VWA8: variants seen among roughly 807,000 people sequenced by gnomAD.
VWA8 encodes the protein von Willebrand factor A domain containing 8.
A neutral mutation model predicts 241.5 loss-of-function variants in VWA8; 221 were observed. That is an observed-to-expected ratio of 0.91 (90% CI 0.82 to 1.02). The LOEUF (loss-of-function observed/expected upper bound fraction) is 1.02. Ranked by LOEUF, VWA8 falls within the 50% of genes least tolerant of loss-of-function variation. VWA8 has a pLI of 0.00. For synonymous variants in VWA8, 852 were observed against 827.1 expected, an observed-to-expected ratio of 1.03 and a Z score of -0.52; for missense variants, 2,322 against 2,328.7, an observed-to-expected ratio of 1.00 and a Z score of 0.06.
intron 5 of VWA8, among the ~76,000 whole-genome samples, chr13:41,890,096 T>C (rs1182328344): frequency 6.6e-6 from 1 of 152,240 alleles, no homozygotes; most frequent in Non-Finnish European, 1.5e-5. Context: ...AAAATGACTG[T>C]ACTTCACAGT....
chr13:41,582,246 G>C (rs1365838773), intron 42 of VWA8, among the ~76,000 whole-genome samples: 1 of 152,142 alleles, frequency 6.6e-6, no homozygotes, highest in Admixed American at 6.5e-5. Flanking sequence ...CTGTGGTTTA[G>C]CACAGGTCAT....
At chr13:41,805,461 C>A (rs147393749) in intron 17 of VWA8, among the ~76,000 whole-genome samples, 60 of 152,216 alleles carry the variant, frequency 3.9e-4, no homozygotes, top group African/African-American at 1.4e-3. Context: ...AACCCCAATA[C>A]AATAATAGCT....
intron 36 of VWA8, 146 bp from the exon 37 acceptor site, chr13:41,671,293 T>TA: frequency 1.1e-6 from 1 of 887,264 alleles, no homozygotes; most frequent in Non-Finnish European, 1.7e-6. Context: ...TGTCACCACA[T>TA]AGGCAGGTTA....
chr13:41,657,635 G>A (rs1290830163), intron 37 of VWA8, among the ~76,000 whole-genome samples: 4 of 151,836 alleles, frequency 2.6e-5, no homozygotes, highest in South Asian at 2.1e-4. Context: ...GACTACAGGC[G>A]CCCGCCACCG....
intron 37 of VWA8, among the ~76,000 whole-genome samples, chr13:41,647,966 G>A (rs1322384161): frequency 1.3e-5 from 2 of 152,078 alleles, no homozygotes; most frequent in Non-Finnish European, 2.9e-5. Flanking sequence ...TCTAGCCTGG[G>A]CGAAGGAGCG....
At chr13:41,794,475 A>G (rs991323167) in intron 17 of VWA8, among the ~76,000 whole-genome samples, 2 of 152,208 alleles carry the variant, frequency 1.3e-5, no homozygotes, top group African/African-American at 2.4e-5. Context: ...GATTTTACAC[A>G]TTGATTTTGT....
intron 37 of VWA8, among the ~76,000 whole-genome samples, chr13:41,662,884 T>C (rs1377517124): frequency 6.6e-6 from 1 of 151,986 alleles, no homozygotes; most frequent in Non-Finnish European, 1.5e-5. Flanking sequence ...AGATGCCCTT[T>C]ATCGGGTTGA....
At chr13:41,858,424 G>A (rs750538682) in intron 12 of VWA8, among the ~76,000 whole-genome samples, 1 of 152,094 alleles carries the variant, frequency 6.6e-6, no homozygotes, top group Non-Finnish European at 1.5e-5. Context: ...TGGCCAACAT[G>A]GCAAAACCCT....
chr13:41,671,231 T>C, intron 36 of VWA8, 84 bp from the exon 37 acceptor site: 2 of 1,456,218 alleles, frequency 1.4e-6, no homozygotes, highest in Non-Finnish European at 9.5e-7. Flanking sequence ...TGTTCTTTAC[T>C]GTTGAAAAAG....
At chr13:41,732,575 G>C (rs949971593) in intron 21 of VWA8, among the ~76,000 whole-genome samples, 2 of 151,646 alleles carry the variant, frequency 1.3e-5, no homozygotes, top group African/African-American at 2.4e-5. Flanking sequence ...TGCTGACATG[G>C]ACAATTAAAG....
rs536104566 is a variant in VWA8, at chr13:41,872,303, T to G, written c.1081-3826A>C. Among the ~76,000 whole-genome samples the G allele has an allele frequency of 1.7e-3, 257 of 152,332 alleles. 1 individual carries two copies. Among genetic ancestry groups the G allele is most frequent in the African/African-American group, 5.6e-3 (233 of 41,570 alleles). On this transcript the variant is annotated intron_variant, in intron 9 of 44. Transcript: ENST00000379310. ...TTTCTTTTGCTGTGCAGAAGCTCTT[T>G]AGTTTAATTAGATCCCATTTGTCAA...
chr13:41,728,581 T>G (rs2045455929), intron 23 of VWA8, among the ~76,000 whole-genome samples: 1 of 151,862 alleles, frequency 6.6e-6, no homozygotes. Context: ...TCATAATGCC[T>G]CATAAGGGCA....
chr13:41,829,838 G>C (rs1871352922), intron 14 of VWA8, among the ~76,000 whole-genome samples: 1 of 152,064 alleles, frequency 6.6e-6, no homozygotes, highest in Admixed American at 6.6e-5. Flanking sequence ...CAGGTACACT[G>C]CTCAGGTGAC....
chr13:41,785,909 T>C (rs1869169319), intron 18 of VWA8, among the ~76,000 whole-genome samples: 1 of 152,078 alleles, frequency 6.6e-6, no homozygotes, highest in Non-Finnish European at 1.5e-5. Context: ...ATGCTATCTA[T>C]GGTTTAGTTT....
At chr13:41,687,860 T>C (rs1203602323) in intron 34 of VWA8, among the ~76,000 whole-genome samples, 1 of 152,160 alleles carries the variant, frequency 6.6e-6, no homozygotes, top group Non-Finnish European at 1.5e-5. Flanking sequence ...ACAAGGTCAC[T>C]AGTGTTACAG....
chr13:41,607,519 C>T (rs963663989), intron 39 of VWA8, among the ~76,000 whole-genome samples: 3 of 152,124 alleles, frequency 2.0e-5, no homozygotes, highest in African/African-American at 7.2e-5. Flanking sequence ...ATGAACAATG[C>T]AGGACATGCC....
chr13:41,925,003 A>T (rs1205319378), intron 2 of VWA8, among the ~76,000 whole-genome samples: 1 of 152,218 alleles, frequency 6.6e-6, no homozygotes, highest in Non-Finnish European at 1.5e-5. Context: ...AGAGAGTTTT[A>T]AAAGCAGCAA....
intron 30 of VWA8, 99 bp downstream of exon 30, chr13:41,692,763 C>CA (rs1385516765): frequency 3.5e-6 from 3 of 849,892 alleles, no homozygotes; most frequent in East Asian, 2.7e-5. Flanking sequence ...TGCATTACAA[C>CA]AAAAAAGGCA....
chr13:41,754,921 G>A (rs1231397230), intron 21 of VWA8, among the ~76,000 whole-genome samples: 2 of 152,048 alleles, frequency 1.3e-5, no homozygotes, highest in East Asian at 3.9e-4. Context: ...CCATGTTTTT[G>A]CAAATGACAG....
Sources: allele counts gnomAD v4.1 joint callset (sites outside exome capture counted in the v4.1 genomes callset), GRCh38; gene constraint gnomAD v4.1.1; transcripts MANE v1.5; gene names NCBI Gene and HGNC (gene_info 2026-07-23, HGNC 2026-07-21).